CHODL: variants seen among roughly 807,000 people sequenced by gnomAD.
The protein encoded by CHODL is chondrolectin.
A neutral mutation model predicts 34.5 loss-of-function variants in CHODL; 29 were observed. That is an observed-to-expected ratio of 0.84 (90% confidence interval 0.63 to 1.15). The LOEUF (loss-of-function observed/expected upper bound fraction) is 1.15, where lower values mean the gene tolerates loss of function less well. Ranked by LOEUF, CHODL falls within the 50% of genes most tolerant of loss-of-function variation. CHODL has a pLI of 0.00. For missense variants in CHODL, 332 were observed against 332.5 expected, an observed-to-expected ratio of 1.00 and a Z score of 0.01; for synonymous variants, 125 against 116.1, an observed-to-expected ratio of 1.08 and a Z score of -0.49.
chr21:18,042,274 C>T (rs924713764), intron 2 of CHODL, among the ~76,000 whole-genome samples: 2 of 151,728 alleles, frequency 1.3e-5, no homozygotes, highest in Non-Finnish European at 2.9e-5. Flanking sequence ...GATGAATGGA[C>T]CCCCTTCTCC....
chr21:18,020,019 G>A (rs2064113022), intron 1 of CHODL, among the ~76,000 whole-genome samples: 1 of 152,080 alleles, frequency 6.6e-6, no homozygotes, highest in East Asian at 1.9e-4. Context: ...TCTACTGGAA[G>A]GACTGGCAGG....
intron 2 of CHODL, among the ~76,000 whole-genome samples, chr21:18,128,785 G>T (rs887614005): frequency 1.3e-5 from 2 of 151,862 alleles, no homozygotes; most frequent in African/African-American, 4.8e-5. Flanking sequence ...TCTCTTATAC[G>T]TGTGTCTACT....
intron 2 of CHODL, among the ~76,000 whole-genome samples, chr21:18,161,804 T>C (rs1225219527): frequency 6.6e-6 from 1 of 152,256 alleles, no homozygotes; most frequent in African/African-American, 2.4e-5. Context: ...TTTATTTCAC[T>C]CTTGCCTTGT....
intron 2 of CHODL, among the ~76,000 whole-genome samples, chr21:18,179,148 C>T (rs1343520379): frequency 6.6e-5 from 10 of 151,992 alleles, no homozygotes; most frequent in Non-Finnish European, 7.4e-5. Flanking sequence ...AGTTGAAAAC[C>T]GCCATTTGTG....
At chr21:18,145,203 G>A (rs867649285) in intron 2 of CHODL, among the ~76,000 whole-genome samples, 6 of 150,886 alleles carry the variant, frequency 4.0e-5, no homozygotes, top group Admixed American at 4.0e-4. Context: ...TTGGGAGGCC[G>A]AGACTGGCGG....
chr21:18,236,906 G>A (rs2074033359), intron 2 of CHODL, among the ~76,000 whole-genome samples: 1 of 151,962 alleles, frequency 6.6e-6, no homozygotes, highest in African/African-American at 2.4e-5. Flanking sequence ...TGACTTCCTA[G>A]TGTGCAAGAC....
intron 1 of CHODL, chr21:18,245,744 C>T (rs1233978348): frequency 1.1e-5 from 7 of 616,314 alleles, no homozygotes; most frequent in Non-Finnish European, 1.7e-5. Flanking sequence ...CGTGTTCACT[C>T]GGATGCTTTC....
At chr21:18,145,319 C>T (rs8127988) in intron 2 of CHODL, among the ~76,000 whole-genome samples, 7,413 of 148,484 alleles carry the variant, frequency 0.05, 522 homozygotes, top group African/African-American at 0.16. Flanking sequence ...CGCCTGTAGT[C>T]CCAGCTACTC....
At chr21:18,046,931 A>G (rs1040538885) in intron 2 of CHODL, among the ~76,000 whole-genome samples, 24 of 151,934 alleles carry the variant, frequency 1.6e-4, no homozygotes, top group African/African-American at 5.1e-4. Context: ...TCACGTCTCC[A>G]TATTTGCTAT....
At chr21:18,220,390 A>G (rs1187375015) in intron 2 of CHODL, among the ~76,000 whole-genome samples, 4 of 151,962 alleles carry the variant, frequency 2.6e-5, no homozygotes, top group Non-Finnish European at 5.9e-5. Context: ...CTTGTTTTAT[A>G]TATTTTTGTT....
chr21:18,145,853 C>G (rs2072878737), intron 2 of CHODL, among the ~76,000 whole-genome samples: 1 of 152,206 alleles, frequency 6.6e-6, no homozygotes, highest in Non-Finnish European at 1.5e-5. Context: ...TATATACTCA[C>G]ACATGTGGAA....
rs2072668923 is a variant in CHODL, at chr21:18,132,485, T to C, written c.-45+104514T>C. 2.0e-5 allele frequency among the ~76,000 whole-genome samples: 3 copies of C among 152,188 alleles called. No homozygotes were observed. The South Asian group carries it at 6.2e-4, about 31-fold the overall frequency. On this transcript the variant is annotated intron_variant, in intron 2 of 6. Coordinates refer to the CHODL transcript ENST00000400127. Reference sequence around the variant, plus strand: ...TCTTTGACATAATATTTTGCATAACTAAAGTTCAAACTTTATTGTTTTAAC... The same window carrying C: ...TCTTTGACATAATATTTTGCATAACCAAAGTTCAAACTTTATTGTTTTAAC...
intron 2 of CHODL, among the ~76,000 whole-genome samples, chr21:18,038,941 TATG>T (rs1400867247): frequency 2.0e-5 from 3 of 151,598 alleles, no homozygotes; most frequent in South Asian, 2.1e-4. Flanking sequence ...GAATCTAAAA[TATG>T]ATCCCAGATA....
rs1451090457 is a variant in CHODL at position 18,091,660 on chromosome 21, A to G, written c.-45+63689A>G. 2.0e-5 allele frequency among the ~76,000 whole-genome samples: 3 copies of G among 152,140 alleles called. No individual in the cohort carries two copies. The East Asian group carries it at 5.8e-4, about 29-fold the overall frequency. ...AACAAGCTGGGCATTTGGGTCCTCA[A>G]ATTCAGGCCTAGACTCGTGGACAAC... On this transcript the variant is annotated intron_variant, in intron 2 of 6. Coordinates refer to the CHODL transcript ENST00000400127.
Position 18,228,773 on chromosome 21 carries a change from G to C in CHODL, c.-44-27736G>C, listed in dbSNP as rs1471016631. Among the ~76,000 whole-genome samples the C allele has an allele frequency of 4.3e-4, 65 of 152,146 alleles. 1 individual carries two copies. On this transcript the variant is annotated intron_variant, in intron 2 of 6. Transcript: ENST00000400127. Reference sequence around the variant, plus strand: ...TATTTAGAATTATTGTAAAACAGAAGATGCTTCATCTTAACTAAAAGTGTT... The same window carrying C: ...TATTTAGAATTATTGTAAAACAGAACATGCTTCATCTTAACTAAAAGTGTT...
At position 18,257,080 on chromosome 21, in the gene CHODL, A is replaced by C; in HGVS notation, c.500A>C (p.Asp167Ala). ...GGTCCCTACCTTTACCAGTGGAATG[A>C]TGACAGGTGTAACATGAAGCACAAT... is the stretch of plus-strand genomic sequence containing the variant. Reference protein sequence around the residue: ...LGGPYLYQWNDDRCNMKHNYI... With the variant: ...LGGPYLYQWNADRCNMKHNYI... Residue 167 changes from aspartate (D) to alanine (A), a missense_variant, in exon 3 of 6, where the codon GAT becomes GCT. Coordinates refer to ENST00000299295, the MANE Select transcript of CHODL (RefSeq NM_024944.3). 6.2e-7 allele frequency: 1 copy of C among 1,613,882 alleles called. No individual in the cohort carries two copies.
At chr21:18,159,568 C>T (rs1287260674) in intron 2 of CHODL, among the ~76,000 whole-genome samples, 1 of 152,168 alleles carries the variant, frequency 6.6e-6, no homozygotes, top group Non-Finnish European at 1.5e-5. Context: ...CGAGAACTTT[C>T]TACATTTGCG....
At chr21:17,953,334 T>C (rs1409249445) in intron 1 of CHODL, among the ~76,000 whole-genome samples, 1 of 152,076 alleles carries the variant, frequency 6.6e-6, no homozygotes, top group African/African-American at 2.4e-5. Context: ...TGGTATAATG[T>C]TGCATGCCTG....
At chr21:18,046,814 A>T (rs902561919) in intron 2 of CHODL, among the ~76,000 whole-genome samples, 1 of 151,884 alleles carries the variant, frequency 6.6e-6, no homozygotes, top group East Asian at 1.9e-4. Flanking sequence ...CTGTTTGGGG[A>T]TATCACTCCA....
Sources: gnomAD v4.1 joint callset for allele counts (sites outside exome capture counted in the v4.1 genomes callset) on GRCh38, gnomAD v4.1.1 for gene constraint, MANE v1.5 for transcripts, NCBI Gene and HGNC (gene_info 2026-07-23, HGNC 2026-07-21) for gene names.